The following MEGF10 variants were observed in gnomAD, a reference collection of about 807,000 sequenced individuals.
MEGF10 encodes the protein multiple EGF like domains 10, also known as multiple epidermal growth factor-like domains protein 10.
Under a neutral mutation model 147.5 loss-of-function variants are expected in MEGF10, and 86 were observed. The ratio of observed to expected loss-of-function variants is 0.58; its 90% CI spans 0.49 to 0.70. The LOEUF is 0.70. MEGF10 is among the 30% of genes least tolerant of loss of function. MEGF10 has a pLI of 0.00. For missense variants in MEGF10, 1,329 were observed against 1,487.3 expected (o/e 0.89, Z 1.75); for synonymous variants, 478 against 525.5 (o/e 0.91, Z 1.24).
rs538124921 is a variant in MEGF10 at position 127,293,663 on chromosome 5, C to T, written c.-19+2607C>T. Among the ~76,000 whole-genome samples the T allele has an allele frequency of 2.0e-5, 3 of 152,288 alleles. No homozygotes were observed. The South Asian group carries it at 6.2e-4, about 32-fold the overall frequency. On this transcript the variant is annotated intron_variant, in intron 1 of 24. Coordinates refer to ENST00000503335, the MANE Select transcript of MEGF10 (RefSeq NM_001256545.2). Reference sequence around the variant, plus strand: ...GGTTTAATAGTGTATTTCTAAAATGCAAATCTGATCATGTTATTCCCTTGT... The same window carrying T: ...GGTTTAATAGTGTATTTCTAAAATGTAAATCTGATCATGTTATTCCCTTGT...
intron 8 of MEGF10, among the ~76,000 whole-genome samples, chr5:127,403,627 ACT>A (rs1284303527): frequency 6.6e-6 from 1 of 151,550 alleles, no homozygotes; most frequent in East Asian, 1.9e-4. Context: ...CCATTCTTCT[ACT>A]CTCTGTGTCC....
chr5:127,272,966 G>T, the MEGF10 span, among the ~76,000 whole-genome samples: 1 of 152,044 alleles, frequency 6.6e-6, no homozygotes, highest in Non-Finnish European at 1.5e-5. Context: ...CAATGCTATG[G>T]CCAGAACTTC....
intron 1 of MEGF10, among the ~76,000 whole-genome samples, chr5:127,314,078 A>G (rs1237804851): frequency 2.6e-5 from 4 of 152,024 alleles, no homozygotes; most frequent in African/African-American, 9.7e-5. Context: ...CACTTCAGGG[A>G]TTGTTTCTCA....
At chr5:127,235,198 A>T in the MEGF10 span, among the ~76,000 whole-genome samples, 2 of 152,142 alleles carry the variant, frequency 1.3e-5, no homozygotes, top group African/African-American at 4.8e-5. Flanking sequence ...GCATTGTCCT[A>T]TACATCCAAC....
At chr5:127,336,964 T>G (rs1183054600) in intron 2 of MEGF10, among the ~76,000 whole-genome samples, 1 of 152,138 alleles carries the variant, frequency 6.6e-6, no homozygotes, top group Non-Finnish European at 1.5e-5. Flanking sequence ...GCTGTAGGCC[T>G]TAAGATTCAG....
chr5:127,457,260 C>T lies in MEGF10; in HGVS notation c.3365C>T (p.Ser1122Phe). 2 of 1,614,110 alleles carry T rather than the reference C, an allele frequency of 1.2e-6. No individual in the cohort carries two copies. Among genetic ancestry groups the T allele is most frequent in the Non-Finnish European group, 1.7e-6 (2 of 1,180,010 alleles). Reference protein sequence around the residue: ...DLLPVRDSSSSPKQEDSGGSS... With the variant: ...DLLPVRDSSSFPKQEDSGGSS... Reference sequence around the variant, plus strand: ...CTGCCAGTCCGAGACAGTTCATCCTCCCCTAAGCAAGAGGACAGTGGTGGT... The same window carrying T: ...CTGCCAGTCCGAGACAGTTCATCCTTCCCTAAGCAAGAGGACAGTGGTGGT... Residue 1122 changes from serine to phenylalanine, a missense_variant, in exon 25 of 25, where the codon TCC becomes TTC. Ser to Phe is a radical substitution (Grantham distance 155). Transcript: ENST00000503335.
the MEGF10 span, among the ~76,000 whole-genome samples, chr5:127,247,455 GAA>G: frequency 7.7e-6 from 1 of 129,168 alleles, no homozygotes; most frequent in African/African-American, 3.0e-5. Context: ...AGAAGAAGAA[GAA>G]GAAGAAGAAG....
At chr5:127,385,736 T>TA (rs1379077510) in intron 5 of MEGF10, among the ~76,000 whole-genome samples, 1 of 152,252 alleles carries the variant, frequency 6.6e-6, no homozygotes, top group African/African-American at 2.4e-5. Flanking sequence ...AGATGTATCT[T>TA]AAAGTTCTTG....
chr5:127,331,335 G>C lies in MEGF10; in HGVS notation c.27G>C (p.Leu9=). Residue 9 remains leucine (L), a synonymous_variant, in exon 2 of 25, where the codon CTG becomes CTC. Transcript: ENST00000503335. MVISLNSC[L]SFICLLLCHW... ...TGGTTATTTCTTTGAACTCATGCCT[G>C]AGCTTTATTTGTTTATTGTTATGCC... 2 of 1,612,676 alleles carry C rather than the reference G, an allele frequency of 1.2e-6. No homozygotes were observed. The highest frequency in any genetic ancestry group is 2.2e-5 in the South Asian group (2 of 90,984).
chr5:127,368,796 T>C (rs1311357778), intron 4 of MEGF10, among the ~76,000 whole-genome samples: 1 of 152,106 alleles, frequency 6.6e-6, no homozygotes, highest in Non-Finnish European at 1.5e-5. Context: ...TACACCTTAG[T>C]GCATAAATCA....
chr5:127,272,759 G>T, the MEGF10 span, among the ~76,000 whole-genome samples: 5 of 152,144 alleles, frequency 3.3e-5, no homozygotes. Context: ...GAATGCTAGC[G>T]ATTTTTGCAC....
At chr5:127,371,548 T>C (rs1381238913) in intron 5 of MEGF10, among the ~76,000 whole-genome samples, 1 of 152,188 alleles carries the variant, frequency 6.6e-6, no homozygotes, top group Admixed American at 6.5e-5. Flanking sequence ...TTTAAAACTA[T>C]GTGGTTTGCC....
At chr5:127,249,383 G>A in the MEGF10 span, among the ~76,000 whole-genome samples, 1 of 150,490 alleles carries the variant, frequency 6.6e-6, no homozygotes, top group Non-Finnish European at 1.5e-5. Context: ...GGAGGAGGAG[G>A]AGAAGAGAGA....
intron 4 of MEGF10, among the ~76,000 whole-genome samples, chr5:127,362,703 T>C (rs375590335): frequency 9.9e-5 from 15 of 152,188 alleles, no homozygotes; most frequent in African/African-American, 2.9e-4. Flanking sequence ...CTTGTACTTA[T>C]AAGCAGCATA....
chr5:127,391,102 G>GCA (rs70997334), intron 5 of MEGF10, among the ~76,000 whole-genome samples: 3,197 of 53,752 alleles, frequency 0.059, 70 homozygotes, highest in Non-Finnish European at 0.09. Context: ...GCGCGCGCGC[G>GCA]CACACACACA....
intron 13 of MEGF10, among the ~76,000 whole-genome samples, chr5:127,428,034 C>G (rs1765263589): frequency 1.3e-5 from 2 of 151,968 alleles, no homozygotes; most frequent in African/African-American, 4.8e-5. Context: ...CTCATTTCCC[C>G]CAACAAGAAA....
intron 9 of MEGF10, among the ~76,000 whole-genome samples, chr5:127,412,165 A>G (rs1764595681): frequency 6.6e-6 from 1 of 152,374 alleles, no homozygotes; most frequent in African/African-American, 2.4e-5. Context: ...ACAATTACAT[A>G]GATCAATAAC....
chr5:127,390,701 G>A (rs1282873277), intron 5 of MEGF10, among the ~76,000 whole-genome samples: 1 of 152,122 alleles, frequency 6.6e-6, no homozygotes, highest in African/African-American at 2.4e-5. Flanking sequence ...TTGTATGACT[G>A]TACCACAATT....
Position 127,419,186 on chromosome 5 carries a change from T to C in MEGF10, c.1372T>C (p.Cys458Arg). Residue 458 changes from cysteine (C) to arginine (R), a missense_variant, in exon 11 of 25, where the codon TGT (cysteine) becomes CGT (arginine). Around this residue, in one of 3 missense-constraint regions of MEGF10, gnomAD observed 980 missense variants for 1,085.9 expected, o/e 0.90. Coordinates refer to ENST00000503335, the MANE Select transcript of MEGF10 (RefSeq NM_001256545.2). ...GATAAACTGTTCCTCTCGCTGTGGC[T>C]GTAAAAATGATGCAGTCTGCTCTCC... ...YGINCSSRCG[C>R]KNDAVCSPVD... 6.2e-7 allele frequency: 1 copy of C among 1,614,190 alleles called. No homozygotes were observed. The highest frequency in any genetic ancestry group is 8.5e-7 in the Non-Finnish European group (1 of 1,180,032).
Sources: allele counts gnomAD v4.1 joint callset (sites outside exome capture counted in the v4.1 genomes callset), GRCh38; gene constraint gnomAD v4.1.1; regional missense constraint gnomAD v4.1.1; transcripts MANE v1.5; gene names NCBI Gene and HGNC (gene_info 2026-07-23, HGNC 2026-07-21).